MAF: variants seen among roughly 807,000 people sequenced by gnomAD.
MAF encodes MAF bZIP transcription factor, also known as transcription factor Maf.
In MAF, 10 loss-of-function variants were observed where a neutral mutation model predicts 22.0. The ratio of observed to expected loss-of-function variants is 0.45; its 90% confidence interval spans 0.28 to 0.77. The LOEUF (loss-of-function observed/expected upper bound fraction) is 0.77, where lower values mean the gene tolerates loss of function less well. Ranked by LOEUF, MAF falls within the 30% of genes least tolerant of loss-of-function variation. The probability of loss-of-function intolerance (pLI) is 0.12; values close to 1 mark genes in which losing one functional copy is unlikely to be tolerated. For synonymous variants in MAF, 337 were observed against 255.8 expected (o/e 1.32, Z -3.03); for missense variants, 544 against 548.4 (o/e 0.99, Z 0.08).
At chr16:79,471,668 C>T in the MAF span, among the ~76,000 whole-genome samples, 3 of 152,136 alleles carry the variant, frequency 2.0e-5, no homozygotes, top group African/African-American at 4.8e-5. Flanking sequence ...CACGGCAAGG[C>T]ACTGTCTCAG....
At chr16:79,429,340 A>G in the MAF span, among the ~76,000 whole-genome samples, 44,465 of 152,060 alleles carry the variant, frequency 0.29, 7,485 homozygotes, top group African/African-American at 0.46. Context: ...CACAAAGCAG[A>G]GGACCGACGG....
the MAF span, among the ~76,000 whole-genome samples, chr16:79,270,492 C>T: frequency 0.2 from 31,138 of 151,976 alleles, 3,840 homozygotes; most frequent in African/African-American, 0.35. Context: ...CATCTGAAAG[C>T]AAGGAGCTGG....
chr16:79,368,419 C>T, the MAF span, among the ~76,000 whole-genome samples: 7 of 151,860 alleles, frequency 4.6e-5, no homozygotes, highest in African/African-American at 9.7e-5. Flanking sequence ...CACGGGTCTA[C>T]GATTGTGTAT....
At chr16:79,329,622 C>T in the MAF span, among the ~76,000 whole-genome samples, 939 of 152,250 alleles carry the variant, frequency 6.2e-3, 4 homozygotes, top group South Asian at 0.018. Flanking sequence ...ATATCAGTCA[C>T]GGTGTCTTCC....
At chr16:79,415,606 G>A in the MAF span, among the ~76,000 whole-genome samples, 1 of 152,018 alleles carries the variant, frequency 6.6e-6, no homozygotes, top group East Asian at 1.9e-4. Flanking sequence ...TTTTCCTTCT[G>A]CAGCTACAAA....
chr16:79,582,887 C>G (rs1019472276), downstream of MAF, among the ~76,000 whole-genome samples: 2 of 152,120 alleles, frequency 1.3e-5, no homozygotes, highest in Non-Finnish European at 2.9e-5. Flanking sequence ...CCCTGGGGGG[C>G]CTTCAGTGAA....
chr16:79,582,869 T>C (rs9937152), downstream of MAF, among the ~76,000 whole-genome samples: 2,475 of 152,288 alleles, frequency 0.016, 72 homozygotes, highest in African/African-American at 0.056. Context: ...AAACCGAATA[T>C]TTAGAAGCCC....
At chr16:79,221,711 G>C in the MAF span, among the ~76,000 whole-genome samples, 1 of 151,896 alleles carries the variant, frequency 6.6e-6, no homozygotes, top group African/African-American at 2.4e-5. Flanking sequence ...GTATGTGATT[G>C]TGTATGTGTG....
chr16:79,319,207 A>G, the MAF span, among the ~76,000 whole-genome samples: 1 of 152,148 alleles, frequency 6.6e-6, no homozygotes. Context: ...TCCCCTTCTA[A>G]TTCTTCTATG....
the MAF span, among the ~76,000 whole-genome samples, chr16:79,338,505 G>A: frequency 1.3e-5 from 2 of 152,114 alleles, no homozygotes; most frequent in African/African-American, 4.8e-5. Context: ...CAAATCTCGC[G>A]GTTAAAGATA....
At chr16:79,423,295 A>C in the MAF span, among the ~76,000 whole-genome samples, 1 of 152,114 alleles carries the variant, frequency 6.6e-6, no homozygotes, top group Non-Finnish European at 1.5e-5. Context: ...CTCAGCAAGG[A>C]CCAAGGAGAG....
At chr16:79,313,143 C>A in the MAF span, among the ~76,000 whole-genome samples, 1 of 151,996 alleles carries the variant, frequency 6.6e-6, no homozygotes, top group African/African-American at 2.4e-5. Context: ...CCACGAAGAT[C>A]GAATGCCATG....
the MAF span, among the ~76,000 whole-genome samples, chr16:79,565,255 C>A: frequency 6.6e-6 from 1 of 152,134 alleles, no homozygotes; most frequent in Non-Finnish European, 1.5e-5. Flanking sequence ...AAAAAAGAAG[C>A]TTTATTGAAA....
At chr16:79,356,023 A>T in the MAF span, among the ~76,000 whole-genome samples, 3 of 152,116 alleles carry the variant, frequency 2.0e-5, no homozygotes, top group African/African-American at 7.2e-5. Flanking sequence ...CTCTTCCTAC[A>T]CATACACATT....
the MAF span, among the ~76,000 whole-genome samples, chr16:79,232,865 G>C: frequency 4.4e-3 from 570 of 128,966 alleles, 3 homozygotes; most frequent in African/African-American, 0.016. Context: ...TTTTGAGACA[G>C]AGTCTCACTC....
chr16:79,368,058 T>C, the MAF span, among the ~76,000 whole-genome samples: 1 of 152,176 alleles, frequency 6.6e-6, no homozygotes, highest in Non-Finnish European at 1.5e-5. Flanking sequence ...GAAGGCCTGC[T>C]CAGAGGCTAG....
At chr16:79,598,271 A>C in intron 1 of MAF, 4 of 1,071,078 alleles carry the variant, frequency 3.7e-6, no homozygotes, top group Non-Finnish European at 4.5e-6. Context: ...AATTAAAAAA[A>C]AAAATCCAAA....
At chr16:79,493,212 T>C in the MAF span, among the ~76,000 whole-genome samples, 2 of 152,104 alleles carry the variant, frequency 1.3e-5, no homozygotes, top group African/African-American at 2.4e-5. Context: ...AGACGGAGTC[T>C]CACTCTGTTG....
chr16:79,444,038 G>A, the MAF span, among the ~76,000 whole-genome samples: 1 of 152,138 alleles, frequency 6.6e-6, no homozygotes, highest in Non-Finnish European at 1.5e-5. Flanking sequence ...ATATATGTGT[G>A]TGTGAAGAAG....
Sources: allele counts gnomAD v4.1 joint callset (sites outside exome capture counted in the v4.1 genomes callset), GRCh38; gene constraint gnomAD v4.1.1; transcripts MANE v1.5; gene names NCBI Gene and HGNC (gene_info 2026-07-23, HGNC 2026-07-21).